The following SAMMSON variants were observed in gnomAD, a reference collection of about 807,000 sequenced individuals.
SAMMSON encodes survival associated mitochondrial melanoma specific oncogenic non-coding RNA.
At chr3:70,257,259 C>A (rs1043382252) in intron 6 of SAMMSON, among the ~76,000 whole-genome samples, 24 of 152,120 alleles carry the variant, frequency 1.6e-4, no homozygotes, top group Admixed American at 7.9e-4. Context: ...GCACATCTGG[C>A]CATTCAAAAA....
chr3:70,180,858 G>A (rs1452270236), intron 4 of SAMMSON, among the ~76,000 whole-genome samples: 2 of 152,050 alleles, frequency 1.3e-5, no homozygotes, highest in Non-Finnish European at 2.9e-5. Context: ...AAAAGCAAAG[G>A]CCCCCTAATT....
chr3:70,430,272 T>C (rs1480449061), intron 2 of SAMMSON, among the ~76,000 whole-genome samples: 1 of 152,190 alleles, frequency 6.6e-6, no homozygotes, highest in East Asian at 1.9e-4. Flanking sequence ...ATTACGTTTA[T>C]TGATTTGCAG....
At chr3:70,065,614 G>T (rs2067206668) in intron 3 of SAMMSON, among the ~76,000 whole-genome samples, 1 of 151,990 alleles carries the variant, frequency 6.6e-6, no homozygotes, top group South Asian at 2.1e-4. Context: ...TTCTCCCTGG[G>T]GGGCTGTTGT....
chr3:70,195,695 T>C (rs530261700), intron 4 of SAMMSON, among the ~76,000 whole-genome samples: 1 of 152,342 alleles, frequency 6.6e-6, no homozygotes, highest in South Asian at 2.1e-4. Context: ...CATGATGCTT[T>C]TTTATATTCA....
At chr3:70,421,448 T>C (rs1358718203) in intron 2 of SAMMSON, among the ~76,000 whole-genome samples, 1 of 152,164 alleles carries the variant, frequency 6.6e-6, no homozygotes, top group Non-Finnish European at 1.5e-5. Flanking sequence ...CTTAGGAGGA[T>C]TTCTTTCTAA....
At chr3:70,315,473 C>T (rs1702488032) in intron 7 of SAMMSON, among the ~76,000 whole-genome samples, 1 of 152,074 alleles carries the variant, frequency 6.6e-6, no homozygotes, top group South Asian at 2.1e-4. Context: ...GCATAATATT[C>T]CATTTTTGTC....
chr3:70,220,368 C>G (rs1357829130), intron 4 of SAMMSON, among the ~76,000 whole-genome samples: 7 of 151,998 alleles, frequency 4.6e-5, no homozygotes, highest in African/African-American at 1.7e-4. Flanking sequence ...GAGTTTGAAG[C>G]TGCAGTGCTG....
At chr3:70,230,151 C>T (rs952083510) in intron 4 of SAMMSON, among the ~76,000 whole-genome samples, 2 of 152,146 alleles carry the variant, frequency 1.3e-5, no homozygotes, top group Admixed American at 1.3e-4. Flanking sequence ...AAATTGAAAT[C>T]CATGCTATCA....
intron 7 of SAMMSON, among the ~76,000 whole-genome samples, chr3:70,298,178 C>T (rs1469745257): frequency 6.6e-6 from 1 of 152,020 alleles, no homozygotes; most frequent in African/African-American, 2.4e-5. Context: ...CTTAGGTTTG[C>T]AGGTTTTTGA....
intron 4 of SAMMSON, among the ~76,000 whole-genome samples, chr3:70,110,884 A>G (rs1000976731): frequency 6.6e-6 from 1 of 152,170 alleles, no homozygotes; most frequent in Non-Finnish European, 1.5e-5. Flanking sequence ...GTGGCAAGAC[A>G]CTTCTCCCAG....
intron 4 of SAMMSON, among the ~76,000 whole-genome samples, chr3:70,226,516 T>A (rs1244909250): frequency 1.3e-5 from 2 of 152,108 alleles, no homozygotes; most frequent in Admixed American, 1.3e-4. Flanking sequence ...GGCATGTGGA[T>A]TACCTGAGGT....
chr3:70,247,092 C>T (rs1401072138), intron 4 of SAMMSON, among the ~76,000 whole-genome samples: 1 of 151,796 alleles, frequency 6.6e-6, no homozygotes, highest in Non-Finnish European at 1.5e-5. Flanking sequence ...ATCATAGTAC[C>T]AAGCGCATGG....
intron 6 of SAMMSON, among the ~76,000 whole-genome samples, chr3:70,275,914 C>T (rs191739542): frequency 2.6e-5 from 4 of 151,880 alleles, no homozygotes; most frequent in East Asian, 3.9e-4. Flanking sequence ...TGCTCATTGT[C>T]GATGCAAATC....
chr3:70,313,525 A>G (rs1702473524), intron 7 of SAMMSON, among the ~76,000 whole-genome samples: 1 of 152,074 alleles, frequency 6.6e-6, no homozygotes, highest in Non-Finnish European at 1.5e-5. Flanking sequence ...ACTGTTTTCA[A>G]TGGAAGATTA....
intron 4 of SAMMSON, among the ~76,000 whole-genome samples, chr3:70,117,833 A>G (rs1559517857): frequency 6.6e-6 from 1 of 152,170 alleles, no homozygotes; most frequent in Non-Finnish European, 1.5e-5. Flanking sequence ...TAAACCATTA[A>G]CAAATTCTTT....
At chr3:70,176,966 A>T (rs1701014118) in intron 4 of SAMMSON, among the ~76,000 whole-genome samples, 1 of 152,192 alleles carries the variant, frequency 6.6e-6, no homozygotes, top group Admixed American at 6.5e-5. Flanking sequence ...CAGGAATTTT[A>T]TTAAAGGTCT....
rs138163910 is a variant in SAMMSON at position 70,174,706 on chromosome 3, G to T, written n.508-74401G>T. On this transcript the variant is annotated intron_variant and non_coding_transcript_variant, in intron 4 of 9. Transcript: ENST00000642114. ...CAAATGAAAAAATATTCTAGAAAAGGTTGACTTTCTATCCCTTCAATTATC... is the reference window on the plus strand; with the variant it reads ...CAAATGAAAAAATATTCTAGAAAAGTTTGACTTTCTATCCCTTCAATTATC... Among the ~76,000 whole-genome samples, 545 of 151,906 alleles carry T rather than the reference G, an allele frequency of 3.6e-3. 2 individuals carry two copies. Among genetic ancestry groups the T allele is most frequent in the African/African-American group, 0.012 (509 of 41,456 alleles).
intron 4 of SAMMSON, among the ~76,000 whole-genome samples, chr3:70,074,545 A>G (rs1413567703): frequency 6.6e-6 from 1 of 152,158 alleles, no homozygotes; most frequent in Non-Finnish European, 1.5e-5. Flanking sequence ...AATTTATATA[A>G]TTTGATAGCA....
intron 4 of SAMMSON, among the ~76,000 whole-genome samples, chr3:70,192,118 C>T (rs1701135368): frequency 6.6e-6 from 1 of 151,912 alleles, no homozygotes; most frequent in Admixed American, 6.6e-5. Flanking sequence ...CATTGCAATC[C>T]ATGACCAAGA....
Sources: gnomAD v4.1 joint callset for allele counts (sites outside exome capture counted in the v4.1 genomes callset) on GRCh38, gnomAD v4.1.1 for gene constraint, MANE v1.5 for transcripts, NCBI Gene and HGNC (gene_info 2026-07-23, HGNC 2026-07-21) for gene names.